Variants in CYP7A1 observed in about 807,000 individuals in gnomAD.
CYP7A1 encodes the protein cytochrome P450 family 7 subfamily A member 1.
A neutral mutation model predicts 43.8 loss-of-function variants in CYP7A1; 28 were observed. The observed-to-expected ratio is 0.64, with a 90% CI of 0.47 to 0.88. The LOEUF is 0.88. CYP7A1 is among the 40% of genes least tolerant of loss of function. CYP7A1 has a pLI of 0.00. For missense variants in CYP7A1, 637 were observed against 611.9 expected, an observed-to-expected ratio of 1.04 and a Z score of -0.43; for synonymous variants, 227 against 222.5, an observed-to-expected ratio of 1.02 and a Z score of -0.18.
At chr8:58,492,889 C>T (rs900962017) in intron 4 of CYP7A1, among the ~76,000 whole-genome samples, 18 of 152,294 alleles carry the variant, frequency 1.2e-4, no homozygotes, top group East Asian at 3.9e-4. Context: ...CTCAACCTCT[C>T]GAGTAGCTGC....
chr8:58,491,564 A>G lies in CYP7A1; in HGVS notation c.1426T>C (p.Cys476Arg). The G allele has an allele frequency of 6.2e-7, 1 of 1,614,250 alleles. No homozygotes were observed. Residue 476 changes from cysteine to arginine, a missense_variant, in exon 6 of 6, where the codon TGT (cysteine) becomes CGT (arginine). By Grantham distance (180) the Cys-to-Arg change is radical. Coordinates refer to ENST00000301645, the MANE Select transcript of CYP7A1 (RefSeq NM_000780.4). The stretch of plus-strand genomic sequence containing the variant: ...GCCCGGGACTGGTCCAAAGGTGGAC[A>G]TTTAGCTTGGCCCTCTATAAGCTCC... ...ELELIEGQAK[C>R]PPLDQSRAGL...
At position 58,498,394 on chromosome 8, in the gene CYP7A1, A is replaced by G; in HGVS notation, c.156T>C (p.Pro52=). 6.2e-7 allele frequency: 1 copy of G among 1,614,170 alleles called. No individual in the cohort carries two copies. Among genetic ancestry groups the G allele is most frequent in the South Asian group, 1.1e-5 (1 of 91,086 alleles). ...LGCALQFGAN[P]LEFLRANQRK... ...TTTGATTTGCTCTGAGGAACTCAAG[A>G]GGATTGGCACCAAATTGCAGAGCAC... Residue 52 remains proline (P), a synonymous_variant, in exon 2 of 6, where the codon CCT becomes CCC. Coordinates refer to ENST00000301645, the MANE Select transcript of CYP7A1 (RefSeq NM_000780.4).
Position 58,496,878 on chromosome 8 carries a change from A to T in CYP7A1, c.634T>A (p.Phe212Ile), listed in dbSNP as rs761022978. ...ILNNLDNFKQ[F>I]DKVFPALVAG... The stretch of plus-strand genomic sequence containing the variant: ...ACCAGGGCTGGAAAGACTTTGTCGA[A>T]TTGCTTGAAGTTGTCAAGATTGTTT... Residue 212 changes from phenylalanine (F) to isoleucine (I), a missense_variant, in exon 3 of 6, where the codon TTC becomes ATC. Transcript: ENST00000301645. 9 of 1,614,232 alleles carry T rather than the reference A, an allele frequency of 5.6e-6. No homozygotes were observed. The highest frequency in any genetic ancestry group is 7.6e-6 in the Non-Finnish European group (9 of 1,180,042).
intron 3 of CYP7A1, among the ~76,000 whole-genome samples, chr8:58,495,327 G>A (rs944698261): frequency 3.3e-5 from 5 of 151,430 alleles, no homozygotes; most frequent in African/African-American, 1.2e-4. Flanking sequence ...CCGGGTTCAC[G>A]CCATTCTCCT....
At position 58,492,452 on chromosome 8, in the gene CYP7A1, C is replaced by A; in HGVS notation, c.1116G>T (p.Leu372Phe). The change falls in exon 5 of 6, where the codon TTG becomes TTT. Residue 372 changes from leucine (L) to phenylalanine (F), a missense_variant. Transcript: ENST00000301645. ...TGTTGTAGGAACCGTCCTCAAGGTG[C>A]AAAGTGAAATCCTCCTTAGCTGTCC... The part of the protein sequence containing the change: ...NIRTAKEDFT[L>F]HLEDGSYNIR... The A allele has an allele frequency of 6.2e-7, 1 of 1,613,940 alleles. No homozygotes were observed. Among genetic ancestry groups the A allele is most frequent in the Non-Finnish European group, 8.5e-7 (1 of 1,179,934 alleles).
chr8:58,491,484 C>T lies in CYP7A1; in HGVS notation c.1506G>A (p.Lys502=), dbSNP rs1809349254. The T allele has an allele frequency of 1.2e-6, 2 of 1,613,736 alleles. No homozygotes were observed. The highest frequency in any genetic ancestry group is 1.7e-6 in the Non-Finnish European group (2 of 1,179,856). The change falls in exon 6 of 6, where the codon AAG becomes AAA. Residue 502 remains lysine (K), a synonymous_variant. Coordinates refer to ENST00000301645, the MANE Select transcript of CYP7A1 (RefSeq NM_000780.4). ...TATTCCAGCCATGTATTCACAAATG[C>T]TTGAATTTATATTTAAATTCAATAT... ...LNDIEFKYKF[K]HL
chr8:58,494,551 G>A lies in CYP7A1; in HGVS notation c.994C>T (p.Pro332Ser), dbSNP rs755365230. 6.2e-7 allele frequency: 1 copy of A among 1,614,020 alleles called. No homozygotes were observed. ...AGTTCTGCTTGACTCAAACAAATAG[G>A]ATTGCCTTCCAAGCTGACTTTTTGA... ...AGQKVSLEGNPICLSQAELND... is the reference protein window; with the variant it reads ...AGQKVSLEGNSICLSQAELND... The change falls in exon 4 of 6, where the codon CCT becomes TCT. Residue 332 changes from proline (P) to serine (S), a missense_variant. Physicochemically the swap from Pro to Ser is moderately conservative, Grantham distance 74. Transcript: ENST00000301645.
chr8:58,496,828 G>A lies in CYP7A1; in HGVS notation c.684C>T (p.Phe228=), dbSNP rs769413815. The A allele has an allele frequency of 2.5e-6, 4 of 1,614,162 alleles. No individual in the cohort carries two copies. The highest frequency in any genetic ancestry group is 2.5e-6 in the Non-Finnish European group (3 of 1,180,016). Residue 228 remains phenylalanine (F), a synonymous_variant, in exon 3 of 6, where the codon TTC becomes TTT. Coordinates refer to ENST00000301645, the MANE Select transcript of CYP7A1 (RefSeq NM_000780.4). The part of the protein sequence containing the change: ...ALVAGLPIHM[F]RTAHNAREKL... ...TCTCCCGGGCATTGTGCGCAGTCCT[G>A]AACATGTGAATGGGGAGGCCTGCTA...
Position 58,500,147 on chromosome 8 carries a change from A to C in CYP7A1, c.-49T>G. 1 of 1,445,096 alleles carries C rather than the reference A, an allele frequency of 6.9e-7. No homozygotes were observed. Among genetic ancestry groups the C allele is most frequent in the Non-Finnish European group, 9.7e-7 (1 of 1,026,402 alleles). 89.5% of individuals were successfully genotyped at this position (1,445,096 alleles called of 1,614,324 possible). On this transcript the variant is annotated 5_prime_UTR_variant, in exon 1 of 6. Coordinates refer to ENST00000301645, the MANE Select transcript of CYP7A1 (RefSeq NM_000780.4). ...CTGAGGAAGAAAATCTCTGATTAGAAAGGGAAGGATGCCACTGAAAAGAGA... is the reference window on the plus strand; with the variant it reads ...CTGAGGAAGAAAATCTCTGATTAGACAGGGAAGGATGCCACTGAAAAGAGA...
At chr8:58,495,264 C>G (rs573784895) in intron 3 of CYP7A1, among the ~76,000 whole-genome samples, 4 of 60,378 alleles carry the variant, frequency 6.6e-5, no homozygotes, top group African/African-American at 2.3e-4. Flanking sequence ...CTTGCTCTGT[C>G]GCCCAGGCTG....
intron 1 of CYP7A1, among the ~76,000 whole-genome samples, chr8:58,499,315 G>C (rs1361732691): frequency 6.6e-6 from 1 of 152,176 alleles, no homozygotes; most frequent in Non-Finnish European, 1.5e-5. Context: ...CTCTTTTTGA[G>C]ATTGACATAG....
chr8:58,494,698 T>C, intron 3 of CYP7A1, 62 bp from the exon 4 acceptor site: 1 of 1,530,634 alleles, frequency 6.5e-7, no homozygotes, highest in South Asian at 1.1e-5. Flanking sequence ...TACTTTGAGA[T>C]CTGCAAACAA....
chr8:58,494,751 A>G (rs1343687358), intron 3 of CYP7A1, 115 bp from the exon 4 acceptor site: 3 of 945,634 alleles, frequency 3.2e-6, no homozygotes, highest in Admixed American at 1.9e-5. Flanking sequence ...TGAAGATACC[A>G]GGGGAGGAGG....
rs772489091 is a variant in CYP7A1, at chr8:58,498,208, T to C, written c.321+21A>G. 5.0e-6 allele frequency: 8 copies of C among 1,613,540 alleles called. No individual in the cohort carries two copies. In the African/African-American group the frequency reaches 5.3e-5, roughly 11 times the overall value. ...AAGGTAGAAGACAAACAGAATGGTA[T>C]ATAAATGTAAAACTGCTTACCTTCG... is the stretch of plus-strand genomic sequence containing the variant. On this transcript the variant is annotated intron_variant, in intron 2 of 5. Transcript: ENST00000301645.
Position 58,496,688 on chromosome 8 carries a change from T to G in CYP7A1, c.824A>C (p.Lys275Thr). 1.2e-6 allele frequency: 2 copies of G among 1,614,258 alleles called. No individual in the cohort carries two copies. The highest frequency in any genetic ancestry group is 1.7e-6 in the Non-Finnish European group (2 of 1,180,044). ...GAGGACCACGAGGTGTGTCTTGGCC[T>G]TCTCCAGATCATCAAAGGTGGACAA... ...DTLSTFDDLE[K>T]AKTHLVVLWA... is the part of the protein sequence containing the mutation. Residue 275 changes from lysine (K) to threonine (T), a missense_variant, in exon 3 of 6, where the codon AAG becomes ACG. Coordinates refer to ENST00000301645, the MANE Select transcript of CYP7A1 (RefSeq NM_000780.4).
In CYP7A1 at chr8:58,498,292, A is replaced by G; in HGVS notation, c.258T>C (p.His86=). 1 of 1,614,156 alleles carries G rather than the reference A, an allele frequency of 6.2e-7. No homozygotes were observed. Among genetic ancestry groups the G allele is most frequent in the South Asian group, 1.1e-5 (1 of 91,088 alleles). ...VHFITNPLSY[H]KVLCHGKYFD... Reference sequence around the variant, plus strand: ...AATATTTTCCGTGGCACAACACCTTATGGTATGACAAGGGATTTGTGATGA... The same window carrying G: ...AATATTTTCCGTGGCACAACACCTTGTGGTATGACAAGGGATTTGTGATGA... The change falls in exon 2 of 6, where the codon CAT becomes CAC. Residue 86 remains histidine (H), a synonymous_variant. Coordinates refer to ENST00000301645, the MANE Select transcript of CYP7A1 (RefSeq NM_000780.4).
chr8:58,492,198 C>G (rs1236443243), intron 5 of CYP7A1, among the ~76,000 whole-genome samples, 155 bp downstream of exon 5: 2 of 152,164 alleles, frequency 1.3e-5, no homozygotes, highest in Non-Finnish European at 2.9e-5. Context: ...AGACCACTAT[C>G]TAAATTTTCC....
intron 3 of CYP7A1, among the ~76,000 whole-genome samples, chr8:58,495,215 T>TTTTTTTTATTTATTTATTTATTTATTTA (rs1554558470): frequency 1.4e-5 from 2 of 143,404 alleles, no homozygotes; most frequent in Admixed American, 7.0e-5. Context: ...TTTATTTTAT[T>TTTTTTTTATTTATTTATTTATTTATTTA]TTTATTTATT....
chr8:58,494,759 A>T (rs981162666), intron 3 of CYP7A1, 123 bp from the exon 4 acceptor site: 18 of 868,482 alleles, frequency 2.1e-5, no homozygotes, highest in Non-Finnish European at 2.6e-5. Context: ...CCAGGGGAGG[A>T]GGGAAAGGGA....
Sources: allele counts gnomAD v4.1 joint callset (sites outside exome capture counted in the v4.1 genomes callset), GRCh38; gene constraint gnomAD v4.1.1; transcripts MANE v1.5; gene names NCBI Gene and HGNC (gene_info 2026-07-23, HGNC 2026-07-21).